Variants in CYP3A7 observed in about 807,000 individuals in gnomAD.
CYP3A7 encodes the protein cytochrome P450 family 3 subfamily A member 7.
Under a neutral mutation model 55.2 loss-of-function variants are expected in CYP3A7, and 45 were observed. That is an observed-to-expected ratio of 0.82 (90% CI 0.64 to 1.05). The LOEUF (loss-of-function observed/expected upper bound fraction) is 1.05, where lower values mean the gene tolerates loss of function less well. Among genes scored for constraint, CYP3A7 ranks in the 50% least tolerant of loss-of-function variants. The probability of loss-of-function intolerance (pLI) is 0.00; values close to 1 mark genes in which losing one functional copy is unlikely to be tolerated. For missense variants in CYP3A7, 548 were observed against 605.3 expected (o/e 0.91, Z 0.99); for synonymous variants, 180 against 207.4 (o/e 0.87, Z 1.13).
At chr7:99,717,803 C>T (rs553466846) in intron 4 of CYP3A7, among the ~76,000 whole-genome samples, 164 bp from the exon 5 acceptor site, 4 of 152,182 alleles carry the variant, frequency 2.6e-5, no homozygotes, top group African/African-American at 9.7e-5. Flanking sequence ...TCCCACATGC[C>T]CAGCCACCTG....
chr7:99,716,652 C>T (rs192455718), intron 6 of CYP3A7, among the ~76,000 whole-genome samples: 90 of 152,242 alleles, frequency 5.9e-4, no homozygotes, highest in Admixed American at 1.1e-3. Context: ...AGGCTTGCCC[C>T]ACCTATAGCG....
intron 9 of CYP3A7, among the ~76,000 whole-genome samples, chr7:99,711,654 G>A (rs1468647014): frequency 6.6e-6 from 1 of 152,146 alleles, no homozygotes; most frequent in Non-Finnish European, 1.5e-5. Flanking sequence ...TGTAATCCCA[G>A]CTACTTGGGA....
intron 8 of CYP3A7, 50 bp downstream of exon 8, chr7:99,714,505 A>G: frequency 6.2e-7 from 1 of 1,605,828 alleles, no homozygotes; most frequent in Non-Finnish European, 8.5e-7. Flanking sequence ...GTATATTTCT[A>G]AAAAATTATG....
In CYP3A7 at chr7:99,712,261, T is replaced by C. The variant is rs147089755; in HGVS notation, c.865+1208A>G. On this transcript the variant is annotated intron_variant, in intron 9 of 12. Coordinates refer to ENST00000336374, the MANE Select transcript of CYP3A7 (RefSeq NM_000765.5). ...GTGAGAAATGTCAACAGAGCTGTGA[T>C]TTACCAGTGAAGATTTCTGTGATGC... Among the ~76,000 whole-genome samples, 665 of 152,286 alleles carry C rather than the reference T, an allele frequency of 4.4e-3. 7 individuals are homozygous for C. The highest frequency in any genetic ancestry group is 0.015 in the African/African-American group (623 of 41,564).
intron 4 of CYP3A7, 109 bp from the exon 5 acceptor site, chr7:99,717,748 G>T: frequency 7.4e-7 from 1 of 1,359,006 alleles, no homozygotes; most frequent in Non-Finnish European, 1.0e-6. Context: ...TTTAGTGACT[G>T]TCTACTAAGT....
At chr7:99,735,002 G>C (rs1814775699) in intron 1 of CYP3A7, 21 bp downstream of exon 1, 1 of 1,613,814 alleles carries the variant, frequency 6.2e-7, no homozygotes, top group South Asian at 1.1e-5. Flanking sequence ...ACAGAGAAGA[G>C]GAGCCTGAAC....
intron 3 of CYP3A7, among the ~76,000 whole-genome samples, chr7:99,721,991 T>C (rs1814219647): frequency 6.6e-6 from 1 of 152,236 alleles, no homozygotes. Context: ...CCCTTGTTAC[T>C]GATCTTTGTA....
chr7:99,705,536 C>G lies in CYP3A7; in HGVS notation c.1476G>C (p.Lys492Asn). 3 of 1,613,668 alleles carry G rather than the reference C, an allele frequency of 1.9e-6. No individual in the cohort carries two copies. The highest frequency in any genetic ancestry group is 4.5e-5 in the East Asian group (2 of 44,862). ...LLLTEKPIVLKAESRDETVSG... is the reference protein window; with the variant it reads ...LLLTEKPIVLNAESRDETVSG... ...TTACGGTCTCATCCCTTGACTCAGC[C>G]TTTAGAACAATGGGTTTTTCTGTTA... Residue 492 changes from lysine to asparagine, a missense_variant, in exon 13 of 13, where the codon AAG becomes AAC. Transcript: ENST00000336374.
rs1023966804 is a variant in CYP3A7, at chr7:99,705,131, G to A, written c.*369C>T. ...ACATGATATAAATGTCACTGTTAGAGCCATCAAAATAATTCCTATTTTTAT... is the reference window on the plus strand; with the variant it reads ...ACATGATATAAATGTCACTGTTAGAACCATCAAAATAATTCCTATTTTTAT... On this transcript the variant is annotated 3_prime_UTR_variant, in exon 13 of 13. Coordinates refer to ENST00000336374, the MANE Select transcript of CYP3A7 (RefSeq NM_000765.5). The A allele has an allele frequency of 4.0e-6, 1 of 249,476 alleles. No individual in the cohort carries two copies. Among genetic ancestry groups the A allele is most frequent in the Admixed American group, 5.1e-5 (1 of 19,788 alleles). The allele number at this position is 249,476 out of a possible 1,614,324, so 15.5% of individuals were successfully genotyped here.
At position 99,707,960 on chromosome 7, in the gene CYP3A7, T is replaced by A. The variant is rs199660092; in HGVS notation, c.1268A>T (p.Asn423Ile). 4.9e-5 allele frequency: 79 copies of A among 1,613,766 alleles called. No individual in the cohort carries two copies. The highest frequency in any genetic ancestry group is 6.4e-5 in the Non-Finnish European group (76 of 1,179,836). ...TATGTAAGGATCTATGTTGTCCTTG[T>A]TCTTTTTACTGAACCTGGTTCCATA... Reference protein sequence around the residue: ...KFLPERFSKKNKDNIDPYIYT... With the variant: ...KFLPERFSKKIKDNIDPYIYT... Residue 423 changes from asparagine to isoleucine, a missense_variant, in exon 12 of 13, where the codon AAC (asparagine) becomes ATC (isoleucine). By Grantham distance (149) the Asn-to-Ile change is moderately radical. Transcript: ENST00000336374.
chr7:99,719,859 G>A (rs545498460), intron 4 of CYP3A7, among the ~76,000 whole-genome samples: 113 of 152,108 alleles, frequency 7.4e-4, no homozygotes, highest in Admixed American at 2.4e-3. Flanking sequence ...TTAGTAGGGC[G>A]TGGTGGTGCA....
chr7:99,714,354 C>T (rs190178092), intron 8 of CYP3A7, among the ~76,000 whole-genome samples: 2 of 152,108 alleles, frequency 1.3e-5, no homozygotes, highest in Non-Finnish European at 2.9e-5. Flanking sequence ...TTTAAGTGCT[C>T]TCTCTGACTC....
At chr7:99,734,157 A>C (rs895869687) in intron 1 of CYP3A7, among the ~76,000 whole-genome samples, 6 of 152,240 alleles carry the variant, frequency 3.9e-5, no homozygotes, top group Non-Finnish European at 8.8e-5. Flanking sequence ...ATGTTACCAC[A>C]ACTCACTGAA....
chr7:99,730,008 A>G (rs1814557037), intron 2 of CYP3A7, among the ~76,000 whole-genome samples: 1 of 152,202 alleles, frequency 6.6e-6, no homozygotes, highest in Admixed American at 6.5e-5. Flanking sequence ...CAAAGCCCTC[A>G]CTTAGGAGAA....
At chr7:99,705,899 G>A (rs1813503412) in intron 12 of CYP3A7, among the ~76,000 whole-genome samples, 1 of 152,154 alleles carries the variant, frequency 6.6e-6, no homozygotes, top group African/African-American at 2.4e-5. Flanking sequence ...AACGAAAATG[G>A]ATGAGTTTTA....
At position 99,722,427 on chromosome 7, in the gene CYP3A7, T is replaced by C. The variant is rs529484609; in HGVS notation, c.166-79A>G. The C allele has an allele frequency of 9.7e-6, 15 of 1,547,430 alleles. No individual in the cohort carries two copies. The African/African-American group carries it at 1.4e-4, about 14-fold the overall frequency. On this transcript the variant is annotated intron_variant, in intron 2 of 12. Coordinates refer to ENST00000336374, the MANE Select transcript of CYP3A7 (RefSeq NM_000765.5). ...TGCCTCTAATTGGGGTTGAAAACAG[T>C]CAAATCCAATGAAATTAGACTTGCT...
chr7:99,727,118 T>C (rs1814440597), intron 2 of CYP3A7, among the ~76,000 whole-genome samples: 1 of 152,208 alleles, frequency 6.6e-6, no homozygotes, highest in South Asian at 2.1e-4. Flanking sequence ...CTCTAGAGGC[T>C]GTTCCCATAC....
At chr7:99,711,416 C>T (rs951606449) in intron 9 of CYP3A7, among the ~76,000 whole-genome samples, 4 of 152,152 alleles carry the variant, frequency 2.6e-5, no homozygotes, top group Non-Finnish European at 5.9e-5. Flanking sequence ...TATTGGAATA[C>T]AGACCACCTC....
At position 99,735,103 on chromosome 7, in the gene CYP3A7, C is replaced by A; in HGVS notation, c.-10G>T. ...TTGGGATGAGATCCATCACTACTTTCCTTCCTTATCTCTCTCCTCTGAGTC... is the reference window on the plus strand; with the variant it reads ...TTGGGATGAGATCCATCACTACTTTACTTCCTTATCTCTCTCCTCTGAGTC... On this transcript the variant is annotated 5_prime_UTR_variant, in exon 1 of 13. Coordinates refer to ENST00000336374, the MANE Select transcript of CYP3A7 (RefSeq NM_000765.5). The A allele has an allele frequency of 1.2e-6, 2 of 1,613,928 alleles. No individual in the cohort carries two copies. Among genetic ancestry groups the A allele is most frequent in the Non-Finnish European group, 1.7e-6 (2 of 1,179,886 alleles).
Sources: gnomAD v4.1 joint callset for allele counts (sites outside exome capture counted in the v4.1 genomes callset) on GRCh38, gnomAD v4.1.1 for gene constraint, MANE v1.5 for transcripts, NCBI Gene and HGNC (gene_info 2026-07-23, HGNC 2026-07-21) for gene names.